IL18: variants seen among roughly 807,000 people sequenced by gnomAD.
IL18 encodes interleukin-18.
IL18 carries 8 observed loss-of-function variants against 14.2 expected under a neutral mutation model. That is an observed-to-expected ratio of 0.56 (90% CI 0.33 to 1.01). The LOEUF is 1.01. IL18 is among the 50% of genes least tolerant of loss of function. The pLI, the probability that IL18 is intolerant of heterozygous loss-of-function variation, is 0.03. For synonymous variants in IL18, 67 were observed against 71.0 expected, an observed-to-expected ratio of 0.94 and a Z score of 0.28; for missense variants, 166 against 231.1, an observed-to-expected ratio of 0.72 and a Z score of 1.83.
At chr11:112,144,505 C>T (rs903233147) in intron 5 of IL18, among the ~76,000 whole-genome samples, 1 of 152,220 alleles carries the variant, frequency 6.6e-6, no homozygotes, top group Non-Finnish European at 1.5e-5. Flanking sequence ...CTTCGGCCTC[C>T]CAAAGTGCTG....
chr11:112,144,500 G>A (rs926836529), intron 5 of IL18, among the ~76,000 whole-genome samples: 3 of 152,320 alleles, frequency 2.0e-5, no homozygotes, highest in Admixed American at 1.3e-4. Flanking sequence ...TCCCACTTCG[G>A]CCTCCCAAAG....
intron 2 of IL18, 101 bp from the exon 3 acceptor site, chr11:112,153,704 C>T (rs1046685152): frequency 3.8e-5 from 28 of 739,326 alleles, no homozygotes; most frequent in South Asian, 2.1e-4. Context: ...TCCTCTTTCT[C>T]GAACTCCTAT....
intron 5 of IL18, among the ~76,000 whole-genome samples, chr11:112,146,070 A>C (rs1866338072): frequency 6.7e-6 from 1 of 149,754 alleles, no homozygotes. Flanking sequence ...GAAGGGGTTG[A>C]ATCTGAATCC....
At chr11:112,162,071 TG>T (rs1866641426) in intron 1 of IL18, among the ~76,000 whole-genome samples, 1 of 152,140 alleles carries the variant, frequency 6.6e-6, no homozygotes, top group Non-Finnish European at 1.5e-5. Context: ...TGCGTGTATG[TG>T]AGTGTTGAAG....
In IL18 at chr11:112,143,296, T is replaced by A. The variant is rs1866276302; in HGVS notation, c.*300A>T. On this transcript the variant is annotated 3_prime_UTR_variant, in exon 6 of 6. Transcript: ENST00000280357. ...TTTGTTTATTTATTTATTTTATTTTTTGAGATGGAGTTTTGCTGTTGTTGC... is the reference window on the plus strand; with the variant it reads ...TTTGTTTATTTATTTATTTTATTTTATGAGATGGAGTTTTGCTGTTGTTGC... 1 of 191,136 alleles carries A rather than the reference T, an allele frequency of 5.2e-6. No individual in the cohort carries two copies. The highest frequency in any genetic ancestry group is 2.3e-5 in the African/African-American group (1 of 43,142). 11.8% of individuals were successfully genotyped at this position (191,136 alleles called of 1,614,324 possible).
At chr11:112,162,754 A>G (rs1019827929) in intron 1 of IL18, among the ~76,000 whole-genome samples, 5 of 152,324 alleles carry the variant, frequency 3.3e-5, no homozygotes, top group African/African-American at 9.6e-5. Context: ...AGTAAATTTA[A>G]TCTCACAGGC....
At chr11:112,150,333 TA>T in intron 3 of IL18, 127 bp from the exon 4 acceptor site, 1 of 641,184 alleles carries the variant, frequency 1.6e-6, no homozygotes, top group Non-Finnish European at 2.6e-6. Flanking sequence ...GTAGCTACAA[TA>T]AAGTTGCCTA....
intron 1 of IL18, among the ~76,000 whole-genome samples, chr11:112,156,363 A>G (rs1418319909): frequency 1.3e-5 from 2 of 152,118 alleles, no homozygotes; most frequent in Admixed American, 1.3e-4. Flanking sequence ...CTTATTTGAT[A>G]GTTTTATCTA....
chr11:112,162,112 A>T (rs1018205769), intron 1 of IL18, among the ~76,000 whole-genome samples: 10 of 152,188 alleles, frequency 6.6e-5, no homozygotes, highest in African/African-American at 2.2e-4. Flanking sequence ...CTTAAAAAAT[A>T]AGTTTTTAAG....
chr11:112,147,905 A>G (rs1291742125), intron 5 of IL18, among the ~76,000 whole-genome samples: 1 of 152,202 alleles, frequency 6.6e-6, no homozygotes, highest in Non-Finnish European at 1.5e-5. Flanking sequence ...GTCTGTAGCT[A>G]TAGTTAATTG....
intron 3 of IL18, chr11:112,153,293 C>T: frequency 3.5e-6 from 1 of 284,246 alleles, no homozygotes; most frequent in Non-Finnish European, 6.6e-6. Context: ...CCCCCTACAA[C>T]AGAATCCATG....
intron 1 of IL18, among the ~76,000 whole-genome samples, chr11:112,161,291 T>C (rs1482461675): frequency 6.6e-6 from 1 of 152,184 alleles, no homozygotes; most frequent in East Asian, 1.9e-4. Flanking sequence ...GGGTCTCAGT[T>C]CCCTCATTTG....
At chr11:112,146,389 C>T (rs1470941770) in intron 5 of IL18, among the ~76,000 whole-genome samples, 5 of 151,920 alleles carry the variant, frequency 3.3e-5, no homozygotes, top group Non-Finnish European at 5.9e-5. Flanking sequence ...GGTGCGATCT[C>T]AGCTCACTGC....
chr11:112,150,305 C>T (rs776614738), intron 3 of IL18, 99 bp from the exon 4 acceptor site: 20 of 768,914 alleles, frequency 2.6e-5, no homozygotes, highest in Non-Finnish European at 1.5e-5. Flanking sequence ...CTATTAATGA[C>T]AATCTTCTGT....
rs200333982 is a variant in IL18, at chr11:112,155,065, A to G, written c.-8-4T>C. On this transcript the variant is annotated splice_region_variant and splice_polypyrimidine_tract_variant and intron_variant, in intron 1 of 5. Coordinates refer to ENST00000280357, the MANE Select transcript of IL18 (RefSeq NM_001562.4). ...GGTTCAGCAGCCATCTTTATTCCTAATGAAAGCAAAGAGCCATCTGTTAAG... is the reference window on the plus strand; with the variant it reads ...GGTTCAGCAGCCATCTTTATTCCTAGTGAAAGCAAAGAGCCATCTGTTAAG... 9.1e-5 allele frequency: 145 copies of G among 1,589,356 alleles called. No individual in the cohort carries two copies. Among genetic ancestry groups the G allele is most frequent in the Non-Finnish European group, 1.2e-4 (139 of 1,158,134 alleles).
intron 1 of IL18, among the ~76,000 whole-genome samples, chr11:112,161,577 T>A (rs888068831): frequency 6.6e-6 from 1 of 152,186 alleles, no homozygotes; most frequent in African/African-American, 2.4e-5. Context: ...GGCGGCTGGA[T>A]CACTTGAGGT....
At chr11:112,157,599 C>A (rs2135321720) in intron 1 of IL18, among the ~76,000 whole-genome samples, 1 of 152,162 alleles carries the variant, frequency 6.6e-6, no homozygotes, top group Middle Eastern at 3.4e-3. Flanking sequence ...TTCATTCTTT[C>A]TGTTTGATGG....
chr11:112,161,775 G>T (rs976123487), intron 1 of IL18, among the ~76,000 whole-genome samples: 1 of 152,178 alleles, frequency 6.6e-6, no homozygotes, highest in African/African-American at 2.4e-5. Context: ...ACTCCAGCCT[G>T]GGTGACACAG....
Position 112,148,752 on chromosome 11 carries a change from TA to T in IL18, c.227-17del. The T allele has an allele frequency of 7.3e-7, 1 of 1,362,684 alleles. No individual in the cohort carries two copies. Among genetic ancestry groups the T allele is most frequent in the Non-Finnish European group, 9.7e-7 (1 of 1,035,998 alleles). The allele number at this position is 1,362,684 out of a possible 1,614,324, so 84.4% of individuals were successfully genotyped here. Reference sequence around the variant, plus strand: ...GGTGCATTATCTGAAATAAATATAATAAATGAGAACTCTAGTTAGAAGAATT... The same window carrying T: ...GGTGCATTATCTGAAATAAATATAATAATGAGAACTCTAGTTAGAAGAATT... On this transcript the variant is annotated splice_polypyrimidine_tract_variant and intron_variant, in intron 4 of 5. Transcript: ENST00000280357.
Sources: allele counts gnomAD v4.1 joint callset (sites outside exome capture counted in the v4.1 genomes callset), GRCh38; gene constraint gnomAD v4.1.1; transcripts MANE v1.5; gene names NCBI Gene and HGNC (gene_info 2026-07-23, HGNC 2026-07-21).